Variants in FAM3C observed in about 807,000 individuals in gnomAD.
FAM3C encodes FAM3 metabolism regulating signaling molecule C.
FAM3C carries 15 observed loss-of-function variants against 32.5 expected under a neutral mutation model. The ratio of observed to expected loss-of-function variants is 0.46; its 90% confidence interval spans 0.31 to 0.71. The LOEUF (loss-of-function observed/expected upper bound fraction) is 0.71. Among genes scored for constraint, FAM3C ranks in the 30% least tolerant of loss-of-function variants. The probability of loss-of-function intolerance (pLI) is 0.05; values close to 1 mark genes in which losing one functional copy is unlikely to be tolerated. For missense variants in FAM3C, 175 were observed against 274.4 expected, an observed-to-expected ratio of 0.64 and a Z score of 2.56; for synonymous variants, 75 against 86.1, an observed-to-expected ratio of 0.87 and a Z score of 0.72.
At chr7:121,361,305 G>A (rs1160664523) in intron 7 of FAM3C, among the ~76,000 whole-genome samples, 1 of 152,158 alleles carries the variant, frequency 6.6e-6, no homozygotes, top group African/African-American at 2.4e-5. Flanking sequence ...CAGCAAAGAT[G>A]CCAAAGATTT....
intron 3 of FAM3C, among the ~76,000 whole-genome samples, chr7:121,377,618 G>A (rs1236311141): frequency 2.0e-5 from 3 of 152,248 alleles, no homozygotes; most frequent in South Asian, 2.1e-4. Flanking sequence ...ATAGTTTCCC[G>A]AAGAGATTCA....
At chr7:121,393,123 C>T (rs1250016395) in intron 1 of FAM3C, among the ~76,000 whole-genome samples, 3 of 152,068 alleles carry the variant, frequency 2.0e-5, no homozygotes, top group Admixed American at 6.5e-5. Context: ...AGAAACGTGA[C>T]GGTTCATAAC....
chr7:121,371,170 T>C, intron 5 of FAM3C, 130 bp downstream of exon 5: 1 of 1,149,380 alleles, frequency 8.7e-7, no homozygotes, highest in South Asian at 1.6e-5. Flanking sequence ...AAAAACTACA[T>C]AACAAAAATG....
intron 3 of FAM3C, among the ~76,000 whole-genome samples, chr7:121,374,829 A>AT (rs1219942900): frequency 6.6e-6 from 1 of 152,256 alleles, no homozygotes. Flanking sequence ...AAATCAAGAA[A>AT]TAAAAAGTAG....
At chr7:121,391,941 T>G (rs137876197) in intron 1 of FAM3C, among the ~76,000 whole-genome samples, 89 of 152,250 alleles carry the variant, frequency 5.8e-4, no homozygotes, top group African/African-American at 2.1e-3. Context: ...AAAGAGAACT[T>G]AAGCTTAATC....
intron 1 of FAM3C, among the ~76,000 whole-genome samples, chr7:121,386,692 C>T (rs1347474080): frequency 1.0e-4 from 15 of 147,276 alleles, no homozygotes; most frequent in Admixed American, 2.7e-4. Context: ...CACACGCACA[C>T]ATATATATAT....
rs1013529576 is a variant in FAM3C at position 121,349,183 on chromosome 7, C to T, written c.*1278G>A. ...TTGGTTTACAGCTAAATAACAGATA[C>T]TGCTTTTAGGTTTTTTTATACAATG... On this transcript the variant is annotated 3_prime_UTR_variant, in exon 10 of 10. Coordinates refer to ENST00000359943, the MANE Select transcript of FAM3C (RefSeq NM_014888.3). The T allele has an allele frequency of 6.6e-6, 1 of 152,438 alleles. No homozygotes were observed. The highest frequency in any genetic ancestry group is 2.4e-5 in the African/African-American group (1 of 41,402). 9.4% of individuals were successfully genotyped at this position (152,438 alleles called of 1,614,324 possible).
chr7:121,390,862 G>C (rs1476149718), intron 1 of FAM3C, among the ~76,000 whole-genome samples: 1 of 32,846 alleles, frequency 3.0e-5, no homozygotes. Flanking sequence ...GCGGGGGGGG[G>C]GGGGGGGGGG....
intron 1 of FAM3C, among the ~76,000 whole-genome samples, chr7:121,391,787 G>T (rs1377338996): frequency 6.6e-6 from 1 of 152,186 alleles, no homozygotes; most frequent in Non-Finnish European, 1.5e-5. Flanking sequence ...TAGCACTGCT[G>T]AAGTAAATTA....
At chr7:121,364,438 T>C (rs779656767) in intron 5 of FAM3C, 10 of 392,398 alleles carry the variant, frequency 2.5e-5, no homozygotes, top group Non-Finnish European at 4.1e-5. Context: ...CCTGAAATAA[T>C]AGACCATTTT....
intron 2 of FAM3C, among the ~76,000 whole-genome samples, 172 bp from the exon 3 acceptor site, chr7:121,379,186 T>TAAAGAATTTTCCTGATC: frequency 1.3e-5 from 2 of 152,256 alleles, no homozygotes; most frequent in South Asian, 2.1e-4. Flanking sequence ...TTCATCAAGA[T>TAAAGAATTTTCCTGATC]AAAGAATTTT....
At chr7:121,380,733 T>TTATATATATATA (rs66579763) in intron 2 of FAM3C, among the ~76,000 whole-genome samples, 1,451 of 133,902 alleles carry the variant, frequency 0.011, 35 homozygotes, top group African/African-American at 0.033. Flanking sequence ...TACAAACATT[T>TTATATATATATA]TATATATATA....
At chr7:121,359,904 G>A (rs1793885360) in intron 8 of FAM3C, 139 bp downstream of exon 8, 1 of 608,826 alleles carries the variant, frequency 1.6e-6, no homozygotes, top group Non-Finnish European at 2.9e-6. Flanking sequence ...AGGAGGCAAA[G>A]TAAAAACAAA....
At chr7:121,362,735 A>G in intron 7 of FAM3C, 162 bp downstream of exon 7, 1 of 589,950 alleles carries the variant, frequency 1.7e-6, no homozygotes, top group Non-Finnish European at 3.0e-6. Flanking sequence ...TAAAACATGA[A>G]TGATAACTTA....
intron 3 of FAM3C, among the ~76,000 whole-genome samples, chr7:121,376,782 T>C (rs879696250): frequency 3.9e-5 from 6 of 152,170 alleles, no homozygotes; most frequent in East Asian, 1.9e-4. Flanking sequence ...CATATCAGAA[T>C]TGTCCAAAGC....
Position 121,364,180 on chromosome 7 carries a change from C to T in FAM3C, c.281G>A (p.Ser94Asn), listed in dbSNP as rs1160115167. The T allele has an allele frequency of 1.9e-6, 3 of 1,582,336 alleles. No homozygotes were observed. The highest frequency in any genetic ancestry group is 2.6e-6 in the Non-Finnish European group (3 of 1,152,056). The stretch of plus-strand genomic sequence containing the variant: ...TCTTCCAACATTATTCTTAACACCA[C>T]TCATTAAACTGAAGGGGGAGAAATT... ...KICLEDNVLM[S>N]GVKNNVGRGI... The change falls in exon 6 of 10, where the codon AGT becomes AAT. Residue 94 changes from serine (S) to asparagine (N), a missense_variant. Coordinates refer to ENST00000359943, the MANE Select transcript of FAM3C (RefSeq NM_014888.3).
intron 8 of FAM3C, among the ~76,000 whole-genome samples, chr7:121,353,676 A>AT (rs1793752798): frequency 1.3e-5 from 2 of 152,208 alleles, no homozygotes; most frequent in Non-Finnish European, 2.9e-5. Flanking sequence ...GGGTGCCTAC[A>AT]TGACCAGCCC....
chr7:121,369,273 G>A (rs1466655564), intron 5 of FAM3C, among the ~76,000 whole-genome samples: 2 of 152,074 alleles, frequency 1.3e-5, no homozygotes, highest in Non-Finnish European at 1.5e-5. Flanking sequence ...GAGCCACCAC[G>A]CCCAGCCTGG....
chr7:121,384,176 G>GA (rs989462532), intron 1 of FAM3C, among the ~76,000 whole-genome samples: 4 of 152,124 alleles, frequency 2.6e-5, no homozygotes, highest in Admixed American at 6.5e-5. Flanking sequence ...ATACCCTAAA[G>GA]AAAAAACAAC....
Sources: gnomAD v4.1 joint callset for allele counts (sites outside exome capture counted in the v4.1 genomes callset) on GRCh38, gnomAD v4.1.1 for gene constraint, MANE v1.5 for transcripts, NCBI Gene and HGNC (gene_info 2026-07-23, HGNC 2026-07-21) for gene names.